The following GALNT16 variants were observed in gnomAD, a reference collection of about 807,000 sequenced individuals.
The protein encoded by GALNT16 is polypeptide N-acetylgalactosaminyltransferase 16.
Under a neutral mutation model 76.1 loss-of-function variants are expected in GALNT16, and 40 were observed. The ratio of observed to expected loss-of-function variants is 0.53; its 90% CI spans 0.41 to 0.68. The LOEUF is 0.68. Among genes scored for constraint, GALNT16 ranks in the 30% least tolerant of loss-of-function variants. The pLI is 0.00. For missense variants in GALNT16, 621 were observed against 731.9 expected, an observed-to-expected ratio of 0.85 and a Z score of 1.75; for synonymous variants, 276 against 285.2, an observed-to-expected ratio of 0.97 and a Z score of 0.32.
At chr14:69,278,873 G>A (rs1448107326) in intron 1 of GALNT16, among the ~76,000 whole-genome samples, 1 of 151,854 alleles carries the variant, frequency 6.6e-6, no homozygotes, top group African/African-American at 2.4e-5. Flanking sequence ...ATCTGACAGG[G>A]CTGGAATTAG....
chr14:69,354,749 C>T (rs1404426295), downstream of GALNT16: 1 of 152,270 alleles, frequency 6.6e-6, no homozygotes, highest in African/African-American at 2.4e-5. Flanking sequence ...GCCCAGGCTC[C>T]TGTGGCCTCA....
At chr14:69,310,195 A>G (rs150715593) in intron 1 of GALNT16, among the ~76,000 whole-genome samples, 3 of 152,104 alleles carry the variant, frequency 2.0e-5, no homozygotes, top group East Asian at 1.9e-4. Flanking sequence ...ATATACTACT[A>G]TATAGGATAT....
Position 69,352,108 on chromosome 14 carries a change from G to A in GALNT16, c.1617G>A (p.Val539=), listed in dbSNP as rs1409299337. ...TGGAGACAAAGCCTGCCCAGCTGGT[G>A]ACCAGCAAGTGTCAGGCTGACGCCC... ...LCLETKPAQL[V]TSKCQADAQA... Residue 539 remains valine (V), a synonymous_variant, in exon 15 of 15, where the codon GTG becomes GTA. Coordinates refer to ENST00000448469, the MANE Select transcript of GALNT16 (RefSeq NM_001168368.2). The A allele has an allele frequency of 6.2e-7, 1 of 1,613,948 alleles. No homozygotes were observed. The highest frequency in any genetic ancestry group is 8.5e-7 in the Non-Finnish European group (1 of 1,179,932).
At chr14:69,286,396 A>G (rs2044612768) in intron 1 of GALNT16, among the ~76,000 whole-genome samples, 1 of 150,438 alleles carries the variant, frequency 6.6e-6, no homozygotes, top group South Asian at 2.1e-4. Flanking sequence ...TCTGGCTCCC[A>G]GGTTTCAAGT....
At chr14:69,380,341 A>G in the GALNT16 span, 1 of 418,046 alleles carries the variant, frequency 2.4e-6, no homozygotes, top group East Asian at 3.5e-5. Context: ...AAAAAAAAAA[A>G]GAAAGAGAAA....
intron 1 of GALNT16, among the ~76,000 whole-genome samples, chr14:69,296,767 T>G (rs562546310): frequency 7.6e-6 from 1 of 131,114 alleles, no homozygotes; most frequent in Non-Finnish European, 1.6e-5. Flanking sequence ...GATAGATAGA[T>G]AGACAGATAG....
the GALNT16 span, among the ~76,000 whole-genome samples, chr14:69,382,659 C>T: frequency 6.7e-6 from 1 of 149,160 alleles, no homozygotes; most frequent in African/African-American, 2.5e-5. Context: ...TTGTGAAACC[C>T]CGTCTCCACC....
In GALNT16 at chr14:69,353,263, C is replaced by T. The variant is rs943404567; in HGVS notation, c.*1095C>T. 7 of 151,986 alleles carry T rather than the reference C, an allele frequency of 4.6e-5. No individual in the cohort carries two copies. The highest frequency in any genetic ancestry group is 1.4e-4 in the African/African-American group (6 of 41,418). The allele number at this position is 151,986 out of a possible 1,614,324, so 9.4% of individuals were successfully genotyped here. A position where few individuals can be genotyped will look rare whatever the true frequency, so the allele number is the denominator to read the frequency against. ...TTAGGGTTCAACCTCACCCTTATTC[C>T]CCTCCCCGCTACAGGAGCCCCTAAG... On this transcript the variant is annotated 3_prime_UTR_variant, in exon 15 of 15. Transcript: ENST00000448469.
At chr14:69,303,889 A>G (rs1314280231) in intron 1 of GALNT16, among the ~76,000 whole-genome samples, 3 of 152,338 alleles carry the variant, frequency 2.0e-5, no homozygotes, top group African/African-American at 7.2e-5. Context: ...GAACATCTAG[A>G]TAAACAAAAA....
intron 1 of GALNT16, among the ~76,000 whole-genome samples, chr14:69,320,366 G>A (rs904322353): frequency 1.3e-4 from 20 of 152,158 alleles, no homozygotes; most frequent in African/African-American, 4.1e-4. Flanking sequence ...GTGGTGGTGC[G>A]CACCTGTAAT....
the GALNT16 span, chr14:69,380,245 T>G: frequency 3.8e-6 from 1 of 265,362 alleles, no homozygotes; most frequent in Non-Finnish European, 7.0e-6. Context: ...TGTTATAAAG[T>G]AGATATGAAC....
intron 1 of GALNT16, among the ~76,000 whole-genome samples, chr14:69,288,047 A>G (rs1238120857): frequency 2.0e-5 from 3 of 152,186 alleles, no homozygotes; most frequent in Non-Finnish European, 1.5e-5. Context: ...TCCAAGTCCA[A>G]AGCAAACTGA....
At chr14:69,350,328 A>C (rs936553083) in intron 14 of GALNT16, 2 of 152,274 alleles carry the variant, frequency 1.3e-5, no homozygotes, top group Admixed American at 1.3e-4. Context: ...CTTTAGTGGA[A>C]GAGAAAGAAG....
At chr14:69,371,410 C>A in the GALNT16 span, among the ~76,000 whole-genome samples, 2 of 151,598 alleles carry the variant, frequency 1.3e-5, no homozygotes, top group Non-Finnish European at 1.5e-5. Context: ...CGCACCACCA[C>A]GCCCAGCTTA....
intron 1 of GALNT16, among the ~76,000 whole-genome samples, chr14:69,262,665 C>T (rs1450655730): frequency 2.0e-5 from 3 of 152,112 alleles, no homozygotes; most frequent in Non-Finnish European, 2.9e-5. Flanking sequence ...ACAGCCAGCT[C>T]CCTCTTTGTT....
At chr14:69,321,410 C>T (rs1235825627) in intron 2 of GALNT16, among the ~76,000 whole-genome samples, 3 of 152,180 alleles carry the variant, frequency 2.0e-5, no homozygotes, top group African/African-American at 7.2e-5. Context: ...GCTCAGTGTG[C>T]GTGACCGGCC....
rs762723742 is a variant in GALNT16, at chr14:69,331,471, C to A, written c.698C>A (p.Thr233Asn). The A allele has an allele frequency of 4.4e-6, 7 of 1,595,840 alleles. No individual in the cohort carries two copies. The East Asian group carries it at 1.1e-4, about 25-fold the overall frequency. The change falls in exon 7 of 15, where the codon ACC becomes AAC. Residue 233 changes from threonine to asparagine, a missense_variant. By Grantham distance (65) the Thr-to-Asn change is moderately conservative (BLOSUM62 0). Transcript: ENST00000448469. ...PMLQRVKEDH[T>N]RVVSPIIDVI... ...CTCACATCTCTCTCCTAGGACCACA[C>A]CCGCGTGGTGAGTCCCATCATTGAT...
At chr14:69,371,284 CA>C in the GALNT16 span, among the ~76,000 whole-genome samples, 10 of 151,888 alleles carry the variant, frequency 6.6e-5, no homozygotes, top group Non-Finnish European at 1.5e-5. Flanking sequence ...GATGGAGTCT[CA>C]CTCTGTCGCC....
At chr14:69,350,407 G>A (rs1015887310) in intron 14 of GALNT16, 1 of 152,308 alleles carries the variant, frequency 6.6e-6, no homozygotes, top group African/African-American at 2.4e-5. Context: ...TCCCTGGGGT[G>A]AGGATGGCCA....
Sources: allele counts gnomAD v4.1 joint callset (sites outside exome capture counted in the v4.1 genomes callset), GRCh38; gene constraint gnomAD v4.1.1; transcripts MANE v1.5; gene names NCBI Gene and HGNC (gene_info 2026-07-23, HGNC 2026-07-21).